The following PDE4D variants were observed in gnomAD, a reference collection of about 807,000 sequenced individuals.
The protein encoded by PDE4D is phosphodiesterase 4D.
PDE4D carries 24 observed loss-of-function variants against 87.4 expected under a neutral mutation model. That is an observed-to-expected ratio of 0.27 (90% CI 0.20 to 0.39). The LOEUF is 0.39. Ranked by LOEUF, PDE4D falls within the 10% of genes least tolerant of loss-of-function variation. PDE4D has a pLI of 1.00. For missense variants in PDE4D, 714 were observed against 1,041.0 expected (o/e 0.69, Z 4.32); for synonymous variants, 384 against 383.2 (o/e 1.00, Z -0.02).
intron 1 of PDE4D, among the ~76,000 whole-genome samples, chr5:59,221,155 T>G (rs1037740103): frequency 3.9e-5 from 6 of 152,114 alleles, no homozygotes; most frequent in Non-Finnish European, 8.8e-5. Flanking sequence ...ATAAGTGGGT[T>G]TTAAACTCAA....
At chr5:60,299,377 A>T (rs948633082) in intron 1 of PDE4D, among the ~76,000 whole-genome samples, 7 of 152,210 alleles carry the variant, frequency 4.6e-5, no homozygotes, top group Admixed American at 2.0e-4. Flanking sequence ...AACTAAGAAC[A>T]TATCCTTCTT....
intron 1 of PDE4D, among the ~76,000 whole-genome samples, chr5:59,698,823 C>T (rs1183172729): frequency 1.3e-5 from 2 of 152,182 alleles, no homozygotes; most frequent in East Asian, 3.9e-4. Flanking sequence ...TTAGCACAGA[C>T]TATCATTAGT....
At chr5:59,356,877 C>G (rs754967762) in intron 1 of PDE4D, 92 of 1,525,220 alleles carry the variant, frequency 6.0e-5, no homozygotes, top group Non-Finnish European at 7.6e-5. Flanking sequence ...TCCCCAGGAA[C>G]CACGAGAAGT....
chr5:59,642,689 C>G (rs1283652861), intron 1 of PDE4D, among the ~76,000 whole-genome samples: 2 of 152,164 alleles, frequency 1.3e-5, no homozygotes, highest in African/African-American at 4.8e-5. Context: ...TTTTTCTTCC[C>G]AGTCTCAGGT....
intron 2 of PDE4D, among the ~76,000 whole-genome samples, chr5:59,999,535 AAAAAAACAAAAC>A (rs1763829909): frequency 7.9e-6 from 1 of 127,110 alleles, no homozygotes; most frequent in Non-Finnish European, 1.7e-5. Flanking sequence ...GTAAAAAAAA[AAAAAAACAAAAC>A]AAAACTGGAG....
intron 1 of PDE4D, among the ~76,000 whole-genome samples, chr5:59,306,659 G>A (rs1353408129): frequency 2.0e-5 from 3 of 151,422 alleles, no homozygotes; most frequent in Non-Finnish European, 4.4e-5. Context: ...CAAGCAACAT[G>A]AAGGACTTCT....
intron 1 of PDE4D, among the ~76,000 whole-genome samples, chr5:59,573,623 T>A (rs773147340): frequency 6.6e-6 from 1 of 152,018 alleles, no homozygotes; most frequent in Non-Finnish European, 1.5e-5. Context: ...TGCAGAGAAG[T>A]TTTCACCCTT....
At chr5:60,208,168 G>C (rs1742769781) in intron 1 of PDE4D, among the ~76,000 whole-genome samples, 1 of 152,192 alleles carries the variant, frequency 6.6e-6, no homozygotes. Flanking sequence ...ATGTGTAAGT[G>C]ATTAGTGAGT....
chr5:59,739,198 T>A (rs563515760), intron 1 of PDE4D, among the ~76,000 whole-genome samples: 7 of 152,262 alleles, frequency 4.6e-5, no homozygotes, highest in Non-Finnish European at 1.0e-4. Flanking sequence ...GACAGGTAGA[T>A]CTCTTGAAGT....
intron 1 of PDE4D, among the ~76,000 whole-genome samples, chr5:59,400,397 G>A (rs184131351): frequency 0.031 from 4,525 of 145,430 alleles, 121 homozygotes; most frequent in Non-Finnish European, 0.043. Flanking sequence ...GGAATACTAT[G>A]CGGCCATAAA....
At chr5:59,732,110 C>G (rs1757441928) in intron 1 of PDE4D, among the ~76,000 whole-genome samples, 1 of 152,076 alleles carries the variant, frequency 6.6e-6, no homozygotes. Context: ...AATGAAAAAG[C>G]AAATAATTCC....
At chr5:60,403,809 A>G (rs1741292392) in intron 1 of PDE4D, among the ~76,000 whole-genome samples, 1 of 152,226 alleles carries the variant, frequency 6.6e-6, no homozygotes, top group Non-Finnish European at 1.5e-5. Context: ...TTGTCAAGAA[A>G]GTATTGTGAA....
intron 2 of PDE4D, among the ~76,000 whole-genome samples, chr5:60,045,512 T>C (rs1769113498): frequency 6.6e-6 from 1 of 152,196 alleles, no homozygotes; most frequent in African/African-American, 2.4e-5. Flanking sequence ...CATTTAAGTC[T>C]TTAATCCATC....
chr5:59,610,668 T>C (rs1005517107), intron 1 of PDE4D, among the ~76,000 whole-genome samples: 1 of 152,172 alleles, frequency 6.6e-6, no homozygotes, highest in African/African-American at 2.4e-5. Flanking sequence ...ATTAACATTT[T>C]GAGTATATGC....
At chr5:59,482,786 A>G (rs1804495808) in intron 1 of PDE4D, among the ~76,000 whole-genome samples, 1 of 152,152 alleles carries the variant, frequency 6.6e-6, no homozygotes, top group African/African-American at 2.4e-5. Flanking sequence ...AATAATAACC[A>G]TCATTTTTCT....
At chr5:59,090,111 A>T (rs1768417918) in intron 5 of PDE4D, among the ~76,000 whole-genome samples, 1 of 152,184 alleles carries the variant, frequency 6.6e-6, no homozygotes, top group African/African-American at 2.4e-5. Context: ...GGATAAGCAC[A>T]GTTAAAGGAA....
At chr5:60,450,399 A>G (rs931332361) in intron 1 of PDE4D, among the ~76,000 whole-genome samples, 2 of 152,150 alleles carry the variant, frequency 1.3e-5, no homozygotes, top group African/African-American at 4.8e-5. Context: ...TTATTTAATT[A>G]ACCTATCCCC....
chr5:59,576,822 A>T (rs1457184740), intron 1 of PDE4D, among the ~76,000 whole-genome samples: 2 of 152,190 alleles, frequency 1.3e-5, no homozygotes, highest in Admixed American at 1.3e-4. Context: ...ATTATTTTCT[A>T]AAAAATAGGA....
At chr5:60,019,778 A>G (rs1765860385) in intron 2 of PDE4D, among the ~76,000 whole-genome samples, 1 of 152,192 alleles carries the variant, frequency 6.6e-6, no homozygotes, top group African/African-American at 2.4e-5. Flanking sequence ...AACTTTCTCT[A>G]TATGAGCAAG....
Sources: gnomAD v4.1 joint callset for allele counts (sites outside exome capture counted in the v4.1 genomes callset) on GRCh38, gnomAD v4.1.1 for gene constraint, MANE v1.5 for transcripts, NCBI Gene and HGNC (gene_info 2026-07-23, HGNC 2026-07-21) for gene names.